Variants in LGALS9B observed in about 807,000 individuals in gnomAD.
LGALS9B encodes the protein galectin 9B.
Under a neutral mutation model 35.9 loss-of-function variants are expected in LGALS9B, and 8 were observed. That is an observed-to-expected ratio of 0.22 (90% CI 0.13 to 0.40). The LOEUF is 0.40. Among genes scored for constraint, LGALS9B ranks in the 10% least tolerant of loss-of-function variants. LGALS9B has a pLI of 1.00. For missense variants in LGALS9B, 101 were observed against 397.9 expected (o/e 0.25, Z 6.35); for synonymous variants, 42 against 148.6 (o/e 0.28, Z 5.22).
At position 20,461,396 on chromosome 17, in the gene LGALS9B, C is replaced by G. The variant is rs144966749; in HGVS notation, c.40-953G>C. On this transcript the variant is annotated intron_variant, in intron 1 of 10. Transcript: ENST00000423676. ...CAGAGGAGACGCTTCACCACTGTCA[C>G]CCACCCCCACCTTGGTCTCTCTGAG... Among the ~76,000 whole-genome samples the G allele has an allele frequency of 2.5e-3, 384 of 152,058 alleles. 1 individual carries two copies. Among genetic ancestry groups the G allele is most frequent in the Middle Eastern group, 3.4e-3 (1 of 294 alleles).
Position 20,451,590 on chromosome 17 carries a change from C to T in LGALS9B, c.815G>A (p.Arg272His), listed in dbSNP as rs766852779. The T allele has an allele frequency of 1.2e-4, 195 of 1,596,200 alleles. No homozygotes were observed. Among genetic ancestry groups the T allele is most frequent in the East Asian group, 2.5e-4 (11 of 44,714 alleles). ...GSHIAFHMNPRFDENAVVRNT... is the reference protein window; with the variant it reads ...GSHIAFHMNPHFDENAVVRNT... ...ACGGACCACAGCATTCTCATCAAAA[C>T]GGGGGTTCATGTGGAAGGCGATGTG... Residue 272 changes from arginine to histidine, a missense_variant, in exon 10 of 11, where the codon CGT becomes CAT. Arg to His is a conservative substitution (Grantham distance 29). Transcript: ENST00000423676.
chr17:20,454,867 G>C (rs1455325964), intron 5 of LGALS9B, among the ~76,000 whole-genome samples: 1 of 151,688 alleles, frequency 6.6e-6, no homozygotes, highest in Non-Finnish European at 1.5e-5. Context: ...GGCCAGACTG[G>C]GGAGGAATTC....
chr17:20,453,119 C>A, intron 6 of LGALS9B, 52 bp from the exon 7 acceptor site: 1 of 1,263,966 alleles, frequency 7.9e-7, no homozygotes, highest in Non-Finnish European at 1.1e-6. Flanking sequence ...AAAGACCACC[C>A]CAGCTCCCAC....
In LGALS9B at chr17:20,451,393, C is replaced by T. The variant is rs1159622198; in HGVS notation, c.924+88G>A. The T allele has an allele frequency of 1.2e-5, 9 of 763,330 alleles. 2 individuals carry two copies. Among genetic ancestry groups the T allele is most frequent in the African/African-American group, 4.4e-5 (1 of 22,936 alleles). 47.3% of individuals were successfully genotyped at this position (763,330 alleles called of 1,614,324 possible). A position where few individuals can be genotyped will look rare whatever the true frequency, so the allele number is the denominator to read the frequency against. On this transcript the variant is annotated intron_variant, in intron 10 of 10. Transcript: ENST00000423676. ...CCCTCATCCCAGAGGCATCAGCTTC[C>T]ATCCTGTTCAAGGTGCCCCAGACCT...
intron 1 of LGALS9B, among the ~76,000 whole-genome samples, chr17:20,464,104 T>TG (rs1555546597): frequency 1.6e-5 from 2 of 123,854 alleles, no homozygotes; most frequent in African/African-American, 6.5e-5. Flanking sequence ...TTTTTTTTTT[T>TG]TTTTTTTTTT....
intron 1 of LGALS9B, among the ~76,000 whole-genome samples, chr17:20,464,133 T>C (rs1257228874): frequency 1.4e-5 from 2 of 138,966 alleles, no homozygotes; most frequent in Non-Finnish European, 1.5e-5. Context: ...GATCTCATTC[T>C]GTCACCCAGG....
In LGALS9B at chr17:20,465,781, G is replaced by A. The variant is rs144582910; in HGVS notation, c.39+1651C>T. Among the ~76,000 whole-genome samples, 313 of 129,084 alleles carry A rather than the reference G, an allele frequency of 2.4e-3. 32 individuals are homozygous for A. Among genetic ancestry groups the A allele is most frequent in the African/African-American group, 7.8e-3 (259 of 33,032 alleles). The allele number at this position is 129,084 out of a possible 152,430, so 84.7% of individuals were successfully genotyped here. The stretch of plus-strand genomic sequence containing the variant: ...TCATGGCACTCAGCCCTCCTCAGCA[G>A]GACAGTGAACCGCGTGACCTTCCCC... On this transcript the variant is annotated intron_variant, in intron 1 of 10. Transcript: ENST00000423676.
At chr17:20,461,791 AT>A (rs1171321148) in intron 1 of LGALS9B, among the ~76,000 whole-genome samples, 1,119 of 55,984 alleles carry the variant, frequency 0.02, 67 homozygotes, top group African/African-American at 0.083. Flanking sequence ...AGAAACCTGA[AT>A]TTTTTTTTTT....
intron 2 of LGALS9B, 104 bp downstream of exon 2, chr17:20,460,248 C>A: frequency 6.3e-7 from 1 of 1,598,390 alleles, no homozygotes; most frequent in Non-Finnish European, 8.6e-7. Context: ...GCGCCAGGCA[C>A]GTGAGCTTGG....
chr17:20,451,064 T>C (rs1264165995), intron 10 of LGALS9B, among the ~76,000 whole-genome samples: 1 of 150,746 alleles, frequency 6.6e-6, no homozygotes, highest in African/African-American at 2.4e-5. Flanking sequence ...CCCAGCTAAA[T>C]TGTAAACTCT....
rs1161640473 is a variant in LGALS9B at position 20,449,511 on chromosome 17, T to G, written c.*462A>C. ...GAGGCCAGTGGGAAGCCATCAGACC[T>G]GCTTTCCAGGAGGGGTGAAGGGTTG... On this transcript the variant is annotated 3_prime_UTR_variant, in exon 11 of 11. Transcript: ENST00000423676. 2 of 196,244 alleles carry G rather than the reference T, an allele frequency of 1.0e-5. No homozygotes were observed. Among genetic ancestry groups the G allele is most frequent in the African/African-American group, 4.7e-5 (2 of 42,162 alleles). The allele number at this position is 196,244 out of a possible 1,614,324, so 12.2% of individuals were successfully genotyped here.
Position 20,449,479 on chromosome 17 carries a change from G to A in LGALS9B, c.*494C>T, listed in dbSNP as rs989137046. On this transcript the variant is annotated 3_prime_UTR_variant, in exon 11 of 11. Coordinates refer to ENST00000423676, the MANE Select transcript of LGALS9B (RefSeq NM_001367292.2). ...TCCCCTGAAGAGAACACTCTGGTCA[G>A]TTGGTGGAGGCCAGTGGGAAGCCAT... 1 of 179,366 alleles carries A rather than the reference G, an allele frequency of 5.6e-6. No homozygotes were observed. Among genetic ancestry groups the A allele is most frequent in the East Asian group, 1.4e-4 (1 of 7,286 alleles). The allele number at this position is 179,366 out of a possible 1,614,324, so 11.1% of individuals were successfully genotyped here.
At chr17:20,460,288 C>T (rs2142421721) in intron 2 of LGALS9B, 64 bp downstream of exon 2, 1 of 1,610,270 alleles carries the variant, frequency 6.2e-7, no homozygotes, top group African/African-American at 1.3e-5. Context: ...CCGAGGCTCA[C>T]AGGCACAGTG....
intron 1 of LGALS9B, among the ~76,000 whole-genome samples, chr17:20,464,006 G>A (rs1343371817): frequency 2.0e-5 from 3 of 151,622 alleles, no homozygotes; most frequent in African/African-American, 7.3e-5. Context: ...CCTATAAAAG[G>A]GAGCAGGAGG....
chr17:20,466,247 T>C (rs1265084268), intron 1 of LGALS9B, among the ~76,000 whole-genome samples: 4 of 150,610 alleles, frequency 2.7e-5, no homozygotes, highest in Admixed American at 6.6e-5. Flanking sequence ...TGAGGGGTCA[T>C]TGGTGACAGC....
Position 20,450,054 on chromosome 17 carries a change from GTAT to G in LGALS9B, c.987_989del (p.Glu329_Tyr330delinsAsp). The G allele has an allele frequency of 9.6e-7, 1 of 1,039,286 alleles. No homozygotes were observed. The highest frequency in any genetic ancestry group is 1.7e-5 in the African/African-American group (1 of 57,438). 64.4% of individuals were successfully genotyped at this position (1,039,286 alleles called of 1,614,324 possible). ...TGGGCAGGTTCCTCAGGCGATGGTAGTATTCAAACACGTGCTGACCATCCACGG... is the reference window on the plus strand; with the variant it reads ...TGGGCAGGTTCCTCAGGCGATGGTAGTCAAACACGTGCTGACCATCCACGG... On this transcript the variant is annotated inframe_deletion, in exon 11 of 11. Transcript: ENST00000423676.
intron 1 of LGALS9B, among the ~76,000 whole-genome samples, chr17:20,465,682 C>T (rs1223660105): frequency 8.9e-6 from 1 of 111,786 alleles, no homozygotes; most frequent in Non-Finnish European, 1.9e-5. Flanking sequence ...TTCCAGCTTC[C>T]CCCCAGCCCT....
chr17:20,460,224 A>AT (rs1371298557), intron 2 of LGALS9B, 128 bp downstream of exon 2: 1 of 1,445,492 alleles, frequency 6.9e-7, no homozygotes, highest in African/African-American at 1.4e-5. Flanking sequence ...TTAAGGATGC[A>AT]TTGGGTCTCC....
chr17:20,461,239 T>C (rs141124707), intron 1 of LGALS9B, among the ~76,000 whole-genome samples: 1 of 151,186 alleles, frequency 6.6e-6, no homozygotes, highest in South Asian at 2.1e-4. Flanking sequence ...GCTCCTGACC[T>C]GAGTGGCCTT....
Sources: allele counts gnomAD v4.1 joint callset (sites outside exome capture counted in the v4.1 genomes callset), GRCh38; gene constraint gnomAD v4.1.1; transcripts MANE v1.5; gene names NCBI Gene and HGNC (gene_info 2026-07-23, HGNC 2026-07-21).